XYLT1: variants seen among roughly 807,000 people sequenced by gnomAD.
XYLT1 encodes beta-D-xylosyltransferase 1.
XYLT1 carries 36 observed loss-of-function variants against 91.3 expected under a neutral mutation model. The ratio of observed to expected loss-of-function variants is 0.39; its 90% CI spans 0.30 to 0.52. The LOEUF is 0.52. Among genes scored for constraint, XYLT1 ranks in the 20% least tolerant of loss-of-function variants. XYLT1 has a pLI of 0.68. For missense variants in XYLT1, 1,242 were observed against 1,284.5 expected, an observed-to-expected ratio of 0.97 and a Z score of 0.51; for synonymous variants, 588 against 532.0, an observed-to-expected ratio of 1.11 and a Z score of -1.45.
chr16:17,383,116 G>A lies in XYLT1; in HGVS notation c.364-25066C>T, dbSNP rs529108381. On this transcript the variant is annotated intron_variant, in intron 1 of 11. Coordinates refer to ENST00000261381, the MANE Select transcript of XYLT1 (RefSeq NM_022166.4). The stretch of plus-strand genomic sequence containing the variant: ...AGAAAAGCCAGGCTTCCCATGGAGA[G>A]AGTGAGAAAGACACAGTCACAATCC... 1.1e-3 allele frequency among the ~76,000 whole-genome samples: 164 copies of A among 151,872 alleles called. 1 individual carries two copies. The highest frequency in any genetic ancestry group is 2.6e-3 in the Admixed American group (39 of 15,152).
At chr16:17,337,354 A>AT (rs2034996082) in intron 2 of XYLT1, among the ~76,000 whole-genome samples, 1 of 152,022 alleles carries the variant, frequency 6.6e-6, no homozygotes, top group South Asian at 2.1e-4. Flanking sequence ...CACCCAGCTA[A>AT]TTTTTTATAG....
At chr16:17,124,527 C>A (rs1223251711) in intron 10 of XYLT1, among the ~76,000 whole-genome samples, 6 of 152,060 alleles carry the variant, frequency 3.9e-5, no homozygotes, top group Non-Finnish European at 8.8e-5. Flanking sequence ...GATGCTTTTG[C>A]CTCTTAAGGT....
chr16:17,295,561 G>A (rs2034297418), intron 2 of XYLT1, among the ~76,000 whole-genome samples: 1 of 152,154 alleles, frequency 6.6e-6, no homozygotes, highest in Non-Finnish European at 1.5e-5. Flanking sequence ...TCACCAGGTT[G>A]GCCGGGCTGG....
chr16:17,108,429 G>A lies in XYLT1; in HGVS notation c.*266C>T. The A allele has an allele frequency of 2.6e-6, 1 of 388,594 alleles. No individual in the cohort carries two copies. The highest frequency in any genetic ancestry group is 3.8e-5 in the East Asian group (1 of 26,284). The allele number at this position is 388,594 out of a possible 1,614,324, so 24.1% of individuals were successfully genotyped here. Reference sequence around the variant, plus strand: ...TGGGTCACTGGAAGGGGAAGACAAGGAACCTGTAGGACTTGAGGATCAACC... The same window carrying A: ...TGGGTCACTGGAAGGGGAAGACAAGAAACCTGTAGGACTTGAGGATCAACC... On this transcript the variant is annotated 3_prime_UTR_variant, in exon 12 of 12. Transcript: ENST00000261381.
intron 1 of XYLT1, among the ~76,000 whole-genome samples, chr16:17,465,769 T>C (rs192572980): frequency 1.3e-5 from 2 of 152,328 alleles, no homozygotes; most frequent in East Asian, 3.9e-4. Flanking sequence ...AAATTCCTTA[T>C]TTTCAAACAT....
intron 2 of XYLT1, among the ~76,000 whole-genome samples, chr16:17,307,765 C>T (rs567830720): frequency 1.3e-5 from 2 of 152,238 alleles, no homozygotes; most frequent in East Asian, 3.9e-4. Flanking sequence ...CCTTCCTGCA[C>T]CCCAGGAGGC....
At chr16:17,229,640 A>G (rs974874275) in intron 3 of XYLT1, among the ~76,000 whole-genome samples, 1 of 152,164 alleles carries the variant, frequency 6.6e-6, no homozygotes, top group African/African-American at 2.4e-5. Context: ...AGCGCCAATC[A>G]TTTTACCATG....
chr16:17,243,866 C>T (rs551938772), intron 3 of XYLT1, among the ~76,000 whole-genome samples: 2 of 152,072 alleles, frequency 1.3e-5, no homozygotes, highest in Non-Finnish European at 2.9e-5. Flanking sequence ...GTGTCCATAC[C>T]AAATGTGAAC....
In XYLT1 at chr16:17,104,313, A is replaced by G. The variant is rs1042838975; in HGVS notation, c.*4382T>C. On this transcript the variant is annotated 3_prime_UTR_variant, in exon 12 of 12. Transcript: ENST00000261381. ...AGTCCCACAAGCTGTAGCCCCAGGC[A>G]GATGTGGACCTCTGCATATCTAAGG... 6.6e-6 allele frequency: 1 copy of G among 152,346 alleles called. No individual in the cohort carries two copies. The highest frequency in any genetic ancestry group is 2.4e-5 in the African/African-American group (1 of 41,466). 9.4% of individuals were successfully genotyped at this position (152,346 alleles called of 1,614,324 possible).
At chr16:17,410,969 G>C (rs963298396) in intron 1 of XYLT1, among the ~76,000 whole-genome samples, 1 of 152,086 alleles carries the variant, frequency 6.6e-6, no homozygotes, top group Non-Finnish European at 1.5e-5. Context: ...TTAGCACCAG[G>C]CTTCTTGCAT....
chr16:17,441,948 G>C (rs2036537460), intron 1 of XYLT1, among the ~76,000 whole-genome samples: 1 of 152,202 alleles, frequency 6.6e-6, no homozygotes, highest in Non-Finnish European at 1.5e-5. Context: ...AGAGTACCCA[G>C]ATAGTCAGTC....
intron 1 of XYLT1, among the ~76,000 whole-genome samples, chr16:17,371,693 A>G (rs998243682): frequency 1.3e-5 from 2 of 152,142 alleles, no homozygotes; most frequent in African/African-American, 4.8e-5. Flanking sequence ...GAAGGACCTC[A>G]TGTGGTGGCA....
At chr16:17,413,303 A>G (rs531693522) in intron 1 of XYLT1, among the ~76,000 whole-genome samples, 2 of 152,314 alleles carry the variant, frequency 1.3e-5, no homozygotes, top group African/African-American at 4.8e-5. Context: ...AAGGACTCTA[A>G]GCAGTCATGC....
At chr16:17,230,830 T>C (rs887473144) in intron 3 of XYLT1, among the ~76,000 whole-genome samples, 1 of 152,188 alleles carries the variant, frequency 6.6e-6, no homozygotes, top group African/African-American at 2.4e-5. Context: ...TATAGCCCCC[T>C]AGATACATCT....
intron 2 of XYLT1, among the ~76,000 whole-genome samples, chr16:17,301,515 G>C (rs2034394901): frequency 6.6e-6 from 1 of 152,140 alleles, no homozygotes; most frequent in Non-Finnish European, 1.5e-5. Flanking sequence ...TCTCACAAGG[G>C]AGAATTTATA....
At chr16:17,236,375 T>A (rs1335563557) in intron 3 of XYLT1, among the ~76,000 whole-genome samples, 1 of 150,496 alleles carries the variant, frequency 6.6e-6, no homozygotes, top group Non-Finnish European at 1.5e-5. Context: ...CAAAGACACA[T>A]GGACTTTTTG....
chr16:17,160,000 C>G (rs9935220), intron 5 of XYLT1, among the ~76,000 whole-genome samples: 19,500 of 152,160 alleles, frequency 0.13, 2,995 homozygotes, highest in African/African-American at 0.37. Flanking sequence ...ATGGGAGGAA[C>G]AGAGAAGAGA....
intron 3 of XYLT1, among the ~76,000 whole-genome samples, chr16:17,246,289 T>C (rs2033434719): frequency 6.6e-6 from 1 of 152,202 alleles, no homozygotes; most frequent in African/African-American, 2.4e-5. Context: ...AGAGGTTAAG[T>C]GTTATTATTT....
chr16:17,182,838 A>G (rs1168297553), intron 5 of XYLT1, among the ~76,000 whole-genome samples: 1 of 152,164 alleles, frequency 6.6e-6, no homozygotes, highest in African/African-American at 2.4e-5. Flanking sequence ...CAATGGGAAC[A>G]GGATTACAAA....
Sources: gnomAD v4.1 joint callset for allele counts (sites outside exome capture counted in the v4.1 genomes callset) on GRCh38, gnomAD v4.1.1 for gene constraint, MANE v1.5 for transcripts, NCBI Gene and HGNC (gene_info 2026-07-23, HGNC 2026-07-21) for gene names.